Variants in RABGAP1L observed in about 807,000 individuals in gnomAD.
RABGAP1L encodes RAB GTPase activating protein 1 like.
RABGAP1L carries 63 observed loss-of-function variants against 137.7 expected under a neutral mutation model. The ratio of observed to expected loss-of-function variants is 0.46; its 90% CI spans 0.37 to 0.56. RABGAP1L has a LOEUF of 0.56. Ranked by LOEUF, RABGAP1L falls within the 20% of genes least tolerant of loss-of-function variation. RABGAP1L has a pLI of 0.00. For synonymous variants in RABGAP1L, 431 were observed against 433.7 expected (o/e 0.99, Z 0.08); for missense variants, 1,095 against 1,244.0 (o/e 0.88, Z 1.80).
At chr1:174,712,417 G>A (rs999720137) in intron 17 of RABGAP1L, among the ~76,000 whole-genome samples, 1 of 151,946 alleles carries the variant, frequency 6.6e-6, no homozygotes. Context: ...CTCCAGACGC[G>A]CCACCTTTAA....
intron 13 of RABGAP1L, among the ~76,000 whole-genome samples, chr1:174,533,190 C>CGCCACT (rs1237063559): frequency 1.3e-5 from 2 of 152,138 alleles, no homozygotes; most frequent in Admixed American, 1.3e-4. Flanking sequence ...GCCAAGATCG[C>CGCCACT]GCCACTGCAC....
chr1:174,223,097 G>A (rs560205613), intron 3 of RABGAP1L, among the ~76,000 whole-genome samples: 61 of 151,570 alleles, frequency 4.0e-4, no homozygotes, highest in Admixed American at 1.1e-3. Flanking sequence ...GTGAAACCCC[G>A]TCTCTACTAA....
chr1:174,696,184 G>A (rs1679243197), intron 15 of RABGAP1L, among the ~76,000 whole-genome samples: 1 of 152,016 alleles, frequency 6.6e-6, no homozygotes, highest in Non-Finnish European at 1.5e-5. Flanking sequence ...ATCTAGAAAT[G>A]CTTTTCAGGA....
At position 174,538,200 on chromosome 1, in the gene RABGAP1L, A is replaced by G. The variant is rs184308530; in HGVS notation, c.1711-99175A>G. Among the ~76,000 whole-genome samples the G allele has an allele frequency of 1.2e-4, 18 of 152,294 alleles. No homozygotes were observed. The East Asian group carries it at 2.1e-3, about 18-fold the overall frequency. ...ACTTCCATTTCTCTTTGCTGTGAAC[A>G]TTTGAACTATTTCCAAAGTCCAGAT... On this transcript the variant is annotated intron_variant, in intron 13 of 25. Transcript: ENST00000681986.
chr1:174,449,066 C>A, intron 13 of RABGAP1L: 2 of 1,614,010 alleles, frequency 1.2e-6, no homozygotes, highest in South Asian at 1.1e-5. Context: ...AATATACAGC[C>A]TCTCCAACAG....
chr1:174,308,370 T>C (rs1317989820), intron 11 of RABGAP1L, among the ~76,000 whole-genome samples: 1 of 152,046 alleles, frequency 6.6e-6, no homozygotes, highest in Non-Finnish European at 1.5e-5. Flanking sequence ...GTTTTGCAGA[T>C]GTTTTTTAGT....
chr1:174,311,605 T>C (rs886198208), intron 11 of RABGAP1L, among the ~76,000 whole-genome samples: 1 of 152,122 alleles, frequency 6.6e-6, no homozygotes, highest in Non-Finnish European at 1.5e-5. Context: ...AATGACTGGA[T>C]CTTTATTTTT....
chr1:174,678,565 A>G (rs904458326), intron 14 of RABGAP1L, among the ~76,000 whole-genome samples: 5 of 152,176 alleles, frequency 3.3e-5, no homozygotes, highest in African/African-American at 1.2e-4. Context: ...GAAAATCGAT[A>G]TATTTTAACC....
chr1:174,698,455 T>G (rs1051006213), intron 15 of RABGAP1L, among the ~76,000 whole-genome samples: 1 of 152,148 alleles, frequency 6.6e-6, no homozygotes, highest in African/African-American at 2.4e-5. Context: ...CTCACGCTAT[T>G]TACCAAAATT....
intron 7 of RABGAP1L, 60 bp downstream of exon 7, chr1:174,252,650 A>T (rs930373810): frequency 6.4e-7 from 1 of 1,570,746 alleles, no homozygotes; most frequent in Non-Finnish European, 8.6e-7. Flanking sequence ...ACTGTCTCAG[A>T]TGCATTGCTC....
chr1:174,345,123 C>G (rs1278975610), intron 11 of RABGAP1L, among the ~76,000 whole-genome samples: 1 of 152,168 alleles, frequency 6.6e-6, no homozygotes, highest in Non-Finnish European at 1.5e-5. Context: ...TCTGTGTCCT[C>G]TCTTCTGTTC....
At chr1:174,461,411 A>T (rs1002576489) in intron 13 of RABGAP1L, among the ~76,000 whole-genome samples, 1 of 152,208 alleles carries the variant, frequency 6.6e-6, no homozygotes, top group South Asian at 2.1e-4. Context: ...ACGTTAGAAA[A>T]GTCACACCTG....
At chr1:174,770,428 TTA>T (rs1173973017) in intron 18 of RABGAP1L, among the ~76,000 whole-genome samples, 1 of 152,198 alleles carries the variant, frequency 6.6e-6, no homozygotes, top group Non-Finnish European at 1.5e-5. Flanking sequence ...CATGCACATA[TTA>T]TATAATACCT....
chr1:174,370,692 T>C (rs1685046672), intron 11 of RABGAP1L, among the ~76,000 whole-genome samples: 1 of 151,116 alleles, frequency 6.6e-6, no homozygotes, highest in African/African-American at 2.4e-5. Flanking sequence ...CCAGTTGTGC[T>C]ACCATTAGCC....
chr1:174,253,114 A>G (rs1163942947), intron 7 of RABGAP1L, among the ~76,000 whole-genome samples: 2 of 152,246 alleles, frequency 1.3e-5, no homozygotes, highest in African/African-American at 2.4e-5. Flanking sequence ...AGGAAAAGGT[A>G]ATGTCTACAA....
intron 13 of RABGAP1L, among the ~76,000 whole-genome samples, chr1:174,553,288 A>G (rs1666673395): frequency 6.6e-6 from 1 of 152,166 alleles, no homozygotes; most frequent in African/African-American, 2.4e-5. Context: ...CATCTTTGTC[A>G]TGAAATATTT....
chr1:174,526,144 G>A lies in RABGAP1L; in HGVS notation c.1711-111231G>A, dbSNP rs180790087. 2.0e-4 allele frequency among the ~76,000 whole-genome samples: 31 copies of A among 152,044 alleles called. No homozygotes were observed. The East Asian group carries it at 5.0e-3, about 25-fold the overall frequency. On this transcript the variant is annotated intron_variant, in intron 13 of 25. Transcript: ENST00000681986. The stretch of plus-strand genomic sequence containing the variant: ...TGGGATTATTTGTTTTTCTATTGTC[G>A]ACTGAGTTTCTTGCATATTCTGGGT...
In RABGAP1L at chr1:174,869,792, A is replaced by AT. The variant is rs1331536305; in HGVS notation, c.2340+57833dup. Reference sequence around the variant, plus strand: ...TCTCTTGAATGAGATTAGTGCCCTTATAAAAAAAACTCCAAGGAGACCCCT... The same window carrying AT: ...TCTCTTGAATGAGATTAGTGCCCTTATTAAAAAAAACTCCAAGGAGACCCCT... On this transcript the variant is annotated intron_variant, in intron 19 of 25. Coordinates refer to ENST00000681986, the MANE Select transcript of RABGAP1L (RefSeq NM_001366446.1). Among the ~76,000 whole-genome samples, 23 of 152,084 alleles carry AT rather than the reference A, an allele frequency of 1.5e-4. 2 individuals carry two copies. The East Asian group carries it at 3.1e-3, about 20-fold the overall frequency.
chr1:174,973,140 G>A (rs1670296452), intron 21 of RABGAP1L, among the ~76,000 whole-genome samples: 1 of 152,098 alleles, frequency 6.6e-6, no homozygotes, highest in Non-Finnish European at 1.5e-5. Context: ...AGGAGAAACT[G>A]TGAATTAAGC....
Sources: allele counts gnomAD v4.1 joint callset (sites outside exome capture counted in the v4.1 genomes callset), GRCh38; gene constraint gnomAD v4.1.1; transcripts MANE v1.5; gene names NCBI Gene and HGNC (gene_info 2026-07-23, HGNC 2026-07-21).